The following KANK1 variants were observed in gnomAD, a reference collection of about 807,000 sequenced individuals.
KANK1 encodes the protein KN motif and ankyrin repeat domain-containing protein 1.
A neutral mutation model predicts 106.2 loss-of-function variants in KANK1; 109 were observed. The observed-to-expected ratio is 1.03, with a 90% CI of 0.88 to 1.20. The LOEUF (loss-of-function observed/expected upper bound fraction) is 1.20, where lower values mean the gene tolerates loss of function less well. KANK1 is among the 50% of genes most tolerant of loss of function. The pLI, the probability that KANK1 is intolerant of heterozygous loss-of-function variation, is 0.00. For missense variants in KANK1, 2,399 were observed against 1,710.7 expected (o/e 1.40, Z -7.10); for synonymous variants, 873 against 652.2 (o/e 1.34, Z -5.16).
chr9:622,168 C>T (rs535886465), intron 1 of KANK1, among the ~76,000 whole-genome samples: 1 of 152,194 alleles, frequency 6.6e-6, no homozygotes, highest in African/African-American at 2.4e-5. Flanking sequence ...AGAAGAATAC[C>T]TGAAACCTGT....
At chr9:591,348 T>C (rs924811811) in intron 1 of KANK1, among the ~76,000 whole-genome samples, 1 of 151,840 alleles carries the variant, frequency 6.6e-6, no homozygotes, top group Non-Finnish European at 1.5e-5. Context: ...TTGTTGCCCA[T>C]TGTCAGTTCT....
At chr9:646,554 A>C (rs1839709704) in intron 1 of KANK1, among the ~76,000 whole-genome samples, 3 of 150,656 alleles carry the variant, frequency 2.0e-5, no homozygotes, top group African/African-American at 7.5e-5. Flanking sequence ...GTAAAATAAT[A>C]TGTTGAACAT....
At chr9:610,481 A>G (rs1218433747) in intron 1 of KANK1, among the ~76,000 whole-genome samples, 1 of 152,178 alleles carries the variant, frequency 6.6e-6, no homozygotes, top group Non-Finnish European at 1.5e-5. Context: ...AAGAAATAGA[A>G]TCCTGACAGT....
chr9:573,985 AT>A (rs1177884372), intron 1 of KANK1, among the ~76,000 whole-genome samples: 1 of 152,236 alleles, frequency 6.6e-6, no homozygotes, highest in Admixed American at 6.5e-5. Flanking sequence ...CAACCAGGAG[AT>A]TAATGGGCTG....
At position 574,652 on chromosome 9, in the gene KANK1, C is replaced by A. The variant is rs537504991; in HGVS notation, c.-84+69898C>A. ...CGGGTGGATCCTGAGGTGAGGAGTT[C>A]AAGACCAGCCCGGCCAACACAATGA... On this transcript the variant is annotated intron_variant, in intron 1 of 11. Transcript: ENST00000382297. Among the ~76,000 whole-genome samples, 14 of 151,832 alleles carry A rather than the reference C, an allele frequency of 9.2e-5. 1 individual carries two copies. Among genetic ancestry groups the A allele is most frequent in the African/African-American group, 3.4e-4 (14 of 41,418 alleles).
intron 1 of KANK1, among the ~76,000 whole-genome samples, chr9:554,942 G>A (rs1454098560): frequency 6.6e-6 from 1 of 152,174 alleles, no homozygotes; most frequent in South Asian, 2.1e-4. Flanking sequence ...CAGGAAGAGA[G>A]TTAGTGAAGT....
intron 1 of KANK1, among the ~76,000 whole-genome samples, chr9:606,486 G>C (rs1446699018): frequency 6.8e-6 from 1 of 147,934 alleles, no homozygotes; most frequent in Non-Finnish European, 1.5e-5. Context: ...AACCCAGGAG[G>C]TGGAGGTTGC....
At chr9:734,132 A>AAC (rs1384453690) in intron 6 of KANK1, 2 of 150,458 alleles carry the variant, frequency 1.3e-5, no homozygotes, top group South Asian at 2.1e-4. Context: ...AAAAAAAAAA[A>AAC]ACTTAAAAAT....
At chr9:668,503 A>G (rs1254179600) in intron 1 of KANK1, among the ~76,000 whole-genome samples, 3 of 152,082 alleles carry the variant, frequency 2.0e-5, no homozygotes, top group African/African-American at 7.2e-5. Context: ...TGAATGGAGA[A>G]TTACCGTTTT....
At chr9:505,570 C>T (rs1427177206) in intron 1 of KANK1, among the ~76,000 whole-genome samples, 1 of 152,362 alleles carries the variant, frequency 6.6e-6, no homozygotes, top group East Asian at 1.9e-4. Context: ...CACCCGGGTC[C>T]CGTGGAACTT....
At chr9:509,010 C>T (rs1248396893) in intron 1 of KANK1, among the ~76,000 whole-genome samples, 3 of 152,180 alleles carry the variant, frequency 2.0e-5, no homozygotes, top group Admixed American at 2.0e-4. Context: ...TATACTTCTA[C>T]CCGTAGTGTG....
Position 731,192 on chromosome 9 carries a change from C to G in KANK1, c.2931C>G (p.Ile977Met). Residue 977 changes from isoleucine (I) to methionine (M), a missense_variant, in exon 5 of 12, where the codon ATC (isoleucine) becomes ATG (methionine). By Grantham distance (10) the Ile-to-Met change is conservative. Transcript: ENST00000382297. Reference protein sequence around the residue: ...CTNNESTLKSIMKKKDGNKDS... With the variant: ...CTNNESTLKSMMKKKDGNKDS... ...ACAATGAAAGTACACTGAAGTCCATCATGAAGAAGAAAGATGGTAACAAAG... is the reference window on the plus strand; with the variant it reads ...ACAATGAAAGTACACTGAAGTCCATGATGAAGAAGAAAGATGGTAACAAAG... 6.2e-7 allele frequency: 1 copy of G among 1,611,720 alleles called. No individual in the cohort carries two copies. Among genetic ancestry groups the G allele is most frequent in the Non-Finnish European group, 8.5e-7 (1 of 1,178,164 alleles).
chr9:595,655 A>G (rs1171009219), intron 1 of KANK1, among the ~76,000 whole-genome samples: 1 of 151,788 alleles, frequency 6.6e-6, no homozygotes, highest in Non-Finnish European at 1.5e-5. Flanking sequence ...TCTCCTGAGT[A>G]GCTGGGACTG....
chr9:732,341 A>G, intron 5 of KANK1, 37 bp from the exon 6 acceptor site: 1 of 1,586,618 alleles, frequency 6.3e-7, no homozygotes, highest in Non-Finnish European at 8.6e-7. Flanking sequence ...CTTCGTGAGC[A>G]CACCTTGCAT....
intron 1 of KANK1, among the ~76,000 whole-genome samples, chr9:594,567 C>G (rs1472379562): frequency 6.6e-6 from 1 of 151,858 alleles, no homozygotes; most frequent in East Asian, 1.9e-4. Flanking sequence ...GCCAGAAATA[C>G]TCTAAAGTCT....
At chr9:643,983 G>A (rs772762652) in intron 1 of KANK1, among the ~76,000 whole-genome samples, 2 of 151,044 alleles carry the variant, frequency 1.3e-5, no homozygotes, top group Non-Finnish European at 2.9e-5. Flanking sequence ...GATTACAGGC[G>A]TGAGCTGCCA....
chr9:552,743 T>C (rs1365074262), intron 1 of KANK1, among the ~76,000 whole-genome samples: 1 of 152,218 alleles, frequency 6.6e-6, no homozygotes, highest in Non-Finnish European at 1.5e-5. Context: ...AAAGAAAATA[T>C]TTTGAAATGT....
chr9:536,064 G>A (rs929274389), intron 1 of KANK1, among the ~76,000 whole-genome samples: 3 of 142,186 alleles, frequency 2.1e-5, no homozygotes, highest in Non-Finnish European at 4.7e-5. Flanking sequence ...CGTGTGGGGC[G>A]CGGTGGCTCA....
At chr9:648,811 G>T (rs1175913025) in intron 1 of KANK1, among the ~76,000 whole-genome samples, 1 of 152,184 alleles carries the variant, frequency 6.6e-6, no homozygotes, top group Non-Finnish European at 1.5e-5. Flanking sequence ...GGACATGTCA[G>T]TTGTCATGTT....
Sources: allele counts gnomAD v4.1 joint callset (sites outside exome capture counted in the v4.1 genomes callset), GRCh38; gene constraint gnomAD v4.1.1; transcripts MANE v1.5; gene names NCBI Gene and HGNC (gene_info 2026-07-23, HGNC 2026-07-21).